MIPOL1: variants seen among roughly 807,000 people sequenced by gnomAD.
MIPOL1 encodes the protein mirror-image polydactyly gene 1 protein.
MIPOL1 carries 57 observed loss-of-function variants against 60.9 expected under a neutral mutation model. The ratio of observed to expected loss-of-function variants is 0.94; its 90% CI spans 0.76 to 1.17. The LOEUF (loss-of-function observed/expected upper bound fraction) is 1.17. Among genes scored for constraint, MIPOL1 ranks in the 50% most tolerant of loss-of-function variants. The pLI is 0.00. For synonymous variants in MIPOL1, 179 were observed against 168.8 expected (o/e 1.06, Z -0.47); for missense variants, 551 against 511.6 (o/e 1.08, Z -0.74).
chr14:37,291,980 C>T (rs2085107078), intron 7 of MIPOL1, among the ~76,000 whole-genome samples: 1 of 130,536 alleles, frequency 7.7e-6, no homozygotes, highest in Non-Finnish European at 1.5e-5. Context: ...GGCTGGAGTG[C>T]AATGGTGCAA....
chr14:37,455,872 T>C (rs1011158182), intron 11 of MIPOL1, among the ~76,000 whole-genome samples: 3 of 152,130 alleles, frequency 2.0e-5, no homozygotes, highest in African/African-American at 7.2e-5. Flanking sequence ...TTTTTAAATG[T>C]GTTTCATTGT....
At chr14:37,484,274 G>GT (rs977781374) in intron 11 of MIPOL1, among the ~76,000 whole-genome samples, 2 of 145,964 alleles carry the variant, frequency 1.4e-5, no homozygotes, top group Admixed American at 6.8e-5. Flanking sequence ...TTAAGTACTT[G>GT]TTTTTTTAGC....
chr14:37,536,518 G>A (rs2095507071), intron 12 of MIPOL1, among the ~76,000 whole-genome samples: 1 of 152,172 alleles, frequency 6.6e-6, no homozygotes, highest in Admixed American at 6.5e-5. Context: ...TTCAGGGCAA[G>A]TGCTAAGCAT....
intron 11 of MIPOL1, among the ~76,000 whole-genome samples, chr14:37,487,806 T>C (rs1453840555): frequency 6.6e-6 from 1 of 152,212 alleles, no homozygotes; most frequent in Non-Finnish European, 1.5e-5. Context: ...ATTGATTTTT[T>C]GAAGGGCTTT....
At chr14:37,249,696 G>A (rs765150555) in intron 3 of MIPOL1, among the ~76,000 whole-genome samples, 5 of 152,022 alleles carry the variant, frequency 3.3e-5, no homozygotes, top group Non-Finnish European at 5.9e-5. Flanking sequence ...TCAAGTTGTG[G>A]ATAAGAATGT....
chr14:37,253,039 TAATC>T (rs1360662720), intron 3 of MIPOL1, among the ~76,000 whole-genome samples: 1 of 151,836 alleles, frequency 6.6e-6, no homozygotes, highest in Non-Finnish European at 1.5e-5. Flanking sequence ...TCTAGATAAC[TAATC>T]ATTCTGTATT....
At chr14:37,390,874 C>G (rs2093218157) in intron 10 of MIPOL1, among the ~76,000 whole-genome samples, 1 of 151,910 alleles carries the variant, frequency 6.6e-6, no homozygotes, top group African/African-American at 2.4e-5. Context: ...AAGATAGTAG[C>G]CAAGATTTCT....
intron 10 of MIPOL1, among the ~76,000 whole-genome samples, chr14:37,381,087 G>A (rs1048561199): frequency 1.3e-5 from 2 of 151,920 alleles, no homozygotes; most frequent in Non-Finnish European, 2.9e-5. Context: ...GAATTTGGGT[G>A]GTAGAATGAA....
In MIPOL1 at chr14:37,247,625, T is replaced by G. The variant is rs868615638; in HGVS notation, c.-60-204T>G. Among the ~76,000 whole-genome samples, 15 of 152,258 alleles carry G rather than the reference T, an allele frequency of 9.9e-5. No individual in the cohort carries two copies. The Middle Eastern group carries it at 0.014, about 138-fold the overall frequency. ...TAAAAAACTTAACCTGAACTGTATA[T>G]ACTAAAATACAAGTGTGAAGAAAAG... On this transcript the variant is annotated intron_variant, in intron 2 of 12. Coordinates refer to ENST00000684589, the MANE Select transcript of MIPOL1 (RefSeq NM_001388067.1).
chr14:37,540,722 T>C (rs2095526367), intron 12 of MIPOL1, among the ~76,000 whole-genome samples: 2 of 152,300 alleles, frequency 1.3e-5, no homozygotes, highest in South Asian at 2.1e-4. Context: ...CTGCACTGAA[T>C]GTGTCACACT....
intron 1 of MIPOL1, among the ~76,000 whole-genome samples, chr14:37,216,684 C>T (rs911531003): frequency 1.3e-5 from 2 of 152,142 alleles, no homozygotes; most frequent in Admixed American, 1.3e-4. Flanking sequence ...CCTGAATAAC[C>T]AGCTGGTCAA....
At chr14:37,521,720 T>G (rs1168754355) in intron 12 of MIPOL1, among the ~76,000 whole-genome samples, 1 of 151,958 alleles carries the variant, frequency 6.6e-6, no homozygotes, top group East Asian at 1.9e-4. Flanking sequence ...ACTTTGCTCA[T>G]TTGTGGGCTC....
At chr14:37,342,225 G>A (rs946686122) in intron 9 of MIPOL1, among the ~76,000 whole-genome samples, 17 of 151,838 alleles carry the variant, frequency 1.1e-4, no homozygotes, top group African/African-American at 3.6e-4. Context: ...AGCTGAGCAC[G>A]GTGGTGTGTG....
chr14:37,415,854 A>G (rs1308024024), intron 10 of MIPOL1, among the ~76,000 whole-genome samples: 1 of 152,132 alleles, frequency 6.6e-6, no homozygotes, highest in Non-Finnish European at 1.5e-5. Flanking sequence ...AAATGATAAT[A>G]TGAATATAGA....
intron 9 of MIPOL1, among the ~76,000 whole-genome samples, chr14:37,349,071 C>T (rs1322509304): frequency 7.2e-6 from 1 of 139,674 alleles, no homozygotes; most frequent in Non-Finnish European, 1.5e-5. Flanking sequence ...TCACTGCAGT[C>T]TCCACCTCCC....
chr14:37,415,110 T>A (rs866861234), intron 10 of MIPOL1, among the ~76,000 whole-genome samples: 1 of 152,190 alleles, frequency 6.6e-6, no homozygotes, highest in Non-Finnish European at 1.5e-5. Context: ...TCTGAGAAGC[T>A]GTAATACTAC....
intron 10 of MIPOL1, among the ~76,000 whole-genome samples, chr14:37,388,482 T>TGG (rs2093138425): frequency 6.6e-6 from 1 of 150,992 alleles, no homozygotes; most frequent in South Asian, 2.1e-4. Context: ...TGGGTTTTTT[T>TGG]TGTGTTTTTT....
At chr14:37,539,095 G>A (rs1024852017) in intron 12 of MIPOL1, among the ~76,000 whole-genome samples, 8 of 152,008 alleles carry the variant, frequency 5.3e-5, no homozygotes, top group Non-Finnish European at 1.0e-4. Flanking sequence ...CCAGCTACTC[G>A]GGAGGCTGAG....
chr14:37,432,354 G>T lies in MIPOL1; in HGVS notation c.1031+9405G>T, dbSNP rs142797953. ...GTTCTTTATGTATAGCAAGACTTTA[G>T]TAAATATATGTCCACAAATGAATAA... is the stretch of plus-strand genomic sequence containing the variant. On this transcript the variant is annotated intron_variant, in intron 11 of 12. Transcript: ENST00000684589. Among the ~76,000 whole-genome samples, 451 of 152,196 alleles carry T rather than the reference G, an allele frequency of 3.0e-3. 3 individuals carry two copies. Among genetic ancestry groups the T allele is most frequent in the African/African-American group, 9.3e-3 (385 of 41,516 alleles).
Sources: allele counts gnomAD v4.1 joint callset (sites outside exome capture counted in the v4.1 genomes callset), GRCh38; gene constraint gnomAD v4.1.1; transcripts MANE v1.5; gene names NCBI Gene and HGNC (gene_info 2026-07-23, HGNC 2026-07-21).